Variants in KLF8 observed in about 807,000 individuals in gnomAD.
KLF8 encodes KLF transcription factor 8.
KLF8 carries 10 observed loss-of-function variants against 18.2 expected under a neutral mutation model. The ratio of observed to expected loss-of-function variants is 0.55; its 90% CI spans 0.34 to 0.93. The LOEUF (loss-of-function observed/expected upper bound fraction) is 0.93. Among genes scored for constraint, KLF8 ranks in the 40% least tolerant of loss-of-function variants. The pLI, the probability that KLF8 is intolerant of heterozygous loss-of-function variation, is 0.02. For missense variants in KLF8, 264 were observed against 277.9 expected (o/e 0.95, Z 0.36); for synonymous variants, 109 against 97.3 (o/e 1.12, Z -0.71).
At chrX:56,012,194 A>G in the KLF8 span, among the ~76,000 whole-genome samples, 1 of 112,173 alleles carries the variant, frequency 8.9e-6, no homozygotes, top group African/African-American at 3.2e-5. Flanking sequence ...TATTGATGCC[A>G]AAATTTTCAG....
At chrX:56,122,774 A>G in the KLF8 span, among the ~76,000 whole-genome samples, 1 of 110,505 alleles carries the variant, frequency 9.0e-6, no homozygotes, top group Non-Finnish European at 1.9e-5. Flanking sequence ...TTTTTAATAG[A>G]AACGGGGTTT....
chrX:56,080,404 T>C, the KLF8 span, among the ~76,000 whole-genome samples: 2 of 111,239 alleles, frequency 1.8e-5, no homozygotes, highest in East Asian at 2.8e-4. Flanking sequence ...TCCTTCACTT[T>C]TGAAGCTTAG....
the KLF8 span, among the ~76,000 whole-genome samples, chrX:56,077,870 T>C: frequency 9.0e-6 from 1 of 111,594 alleles, no homozygotes; most frequent in Non-Finnish European, 1.9e-5. Context: ...CCCTTGTAAG[T>C]TGAATTCCTA....
chrX:56,261,535 T>A (rs2066882812), intron 2 of KLF8, among the ~76,000 whole-genome samples: 1 of 111,344 alleles, frequency 9.0e-6, no homozygotes, highest in Admixed American at 9.6e-5. Context: ...CAATGAAGCA[T>A]GAAATAGGTA....
At chrX:56,231,890 C>T (rs1466485654), upstream of KLF8, among the ~76,000 whole-genome samples, 2 of 110,401 alleles carry the variant, frequency 1.8e-5, no homozygotes, top group Non-Finnish European at 3.8e-5. Context: ...TCTTCCCCAC[C>T]TACTCCTTCG....
At chrX:56,162,709 G>T in the KLF8 span, among the ~76,000 whole-genome samples, 1 of 111,605 alleles carries the variant, frequency 9.0e-6, no homozygotes, top group Admixed American at 9.5e-5. Flanking sequence ...CTGACCCCTT[G>T]CACTTCCTGG....
At chrX:56,047,335 A>T in the KLF8 span, among the ~76,000 whole-genome samples, 14 of 109,411 alleles carry the variant, frequency 1.3e-4, no homozygotes, top group Non-Finnish European at 2.1e-4. Flanking sequence ...TTACATATGT[A>T]TACATGTGCC....
At chrX:56,058,287 T>TATATATATATAC in the KLF8 span, among the ~76,000 whole-genome samples, 3 of 40,533 alleles carry the variant, frequency 7.4e-5, no homozygotes, top group Non-Finnish European at 1.1e-4. Context: ...TACATATATA[T>TATATATATATAC]ATATATATAT....
At chrX:56,084,618 C>A in the KLF8 span, among the ~76,000 whole-genome samples, 2 of 111,524 alleles carry the variant, frequency 1.8e-5, no homozygotes, top group Non-Finnish European at 3.8e-5. Flanking sequence ...ATAAAGTGAT[C>A]TTTGTTTTAG....
At chrX:56,143,261 A>G in the KLF8 span, among the ~76,000 whole-genome samples, 1 of 111,684 alleles carries the variant, frequency 9.0e-6, no homozygotes, top group Non-Finnish European at 1.9e-5. Context: ...AGATTGTCCT[A>G]TGTCTTTCTC....
the KLF8 span, among the ~76,000 whole-genome samples, chrX:56,187,018 C>T: frequency 2.7e-5 from 3 of 111,461 alleles, no homozygotes; most frequent in Non-Finnish European, 5.6e-5. Context: ...CAAGAAATAA[C>T]TAAAATCACA....
the KLF8 span, among the ~76,000 whole-genome samples, chrX:56,164,729 C>CTTTTTTTTTTTTTTTTTCTTTTTTTTTTT: frequency 3.9e-5 from 2 of 51,920 alleles, no homozygotes; most frequent in Non-Finnish European, 6.6e-5. Flanking sequence ...CTTGTTATCT[C>CTTTTTTTTTTTTTTTTTCTTTTTTTTTTT]TTTTTTTTTT....
At chrX:56,109,221 C>T in the KLF8 span, among the ~76,000 whole-genome samples, 1 of 110,366 alleles carries the variant, frequency 9.1e-6, no homozygotes, top group Non-Finnish European at 1.9e-5. Flanking sequence ...ATAGTGAGAC[C>T]TTGTCTCTAC....
At chrX:56,097,268 C>T in the KLF8 span, among the ~76,000 whole-genome samples, 1 of 109,809 alleles carries the variant, frequency 9.1e-6, no homozygotes, top group Non-Finnish European at 1.9e-5. Context: ...GAAGTCCCAG[C>T]TTTTTGGGAG....
the KLF8 span, among the ~76,000 whole-genome samples, chrX:55,926,992 G>A: frequency 9.0e-6 from 1 of 111,502 alleles, no homozygotes; most frequent in Non-Finnish European, 1.9e-5. Flanking sequence ...ATAAACTGAA[G>A]TACAAAGCAG....
the KLF8 span, among the ~76,000 whole-genome samples, chrX:56,033,986 T>C: frequency 1.8e-5 from 2 of 112,697 alleles, no homozygotes; most frequent in African/African-American, 3.2e-5. Flanking sequence ...ATATTTGTTG[T>C]TTCCTTTGCG....
the KLF8 span, among the ~76,000 whole-genome samples, chrX:55,955,105 A>G: frequency 8.9e-6 from 1 of 111,737 alleles, no homozygotes; most frequent in Non-Finnish European, 1.9e-5. Context: ...AAACTTATTA[A>G]ATTATACTAT....
chrX:56,215,113 A>T, the KLF8 span, among the ~76,000 whole-genome samples: 1 of 111,956 alleles, frequency 8.9e-6, no homozygotes, highest in East Asian at 2.8e-4. Context: ...CTTACCAAAT[A>T]AGACGCATCT....
At chrX:55,966,887 A>T in the KLF8 span, among the ~76,000 whole-genome samples, 4 of 112,351 alleles carry the variant, frequency 3.6e-5, no homozygotes, top group South Asian at 1.5e-3. Context: ...AGATAACACA[A>T]AGAAAATATT....
Sources: gnomAD v4.1 joint callset for allele counts (sites outside exome capture counted in the v4.1 genomes callset) on GRCh38, gnomAD v4.1.1 for gene constraint, MANE v1.5 for transcripts, NCBI Gene and HGNC (gene_info 2026-07-23, HGNC 2026-07-21) for gene names.